VIM: variants seen among roughly 807,000 people sequenced by gnomAD.
The protein encoded by VIM is vimentin.
Under a neutral mutation model 50.3 loss-of-function variants are expected in VIM, and 18 were observed. The observed-to-expected ratio is 0.36, with a 90% CI of 0.25 to 0.53. The LOEUF (loss-of-function observed/expected upper bound fraction) is 0.53, where lower values mean the gene tolerates loss of function less well. VIM is among the 20% of genes least tolerant of loss of function. VIM has a pLI of 0.91. For synonymous variants in VIM, 245 were observed against 248.5 expected, an observed-to-expected ratio of 0.99 and a Z score of 0.13; for missense variants, 551 against 614.7, an observed-to-expected ratio of 0.90 and a Z score of 1.10.
At chr10:17,230,136 C>A in intron 2 of VIM, 151 bp downstream of exon 2, 2 of 1,026,894 alleles carry the variant, frequency 1.9e-6, no homozygotes, top group South Asian at 3.4e-5. Flanking sequence ...GGGGCTGTGG[C>A]TGTGGTGGCG....
At chr10:17,235,073 G>T (rs112738179) in intron 6 of VIM, 96 bp from the exon 7 acceptor site, 18 of 1,429,024 alleles carry the variant, frequency 1.3e-5, no homozygotes, top group Non-Finnish European at 1.7e-5. Context: ...GCCATTTGCC[G>T]CTAATGGAAA....
chr10:17,236,513 G>C (rs1846892116), intron 9 of VIM, 134 bp downstream of exon 9: 1 of 779,038 alleles, frequency 1.3e-6, no homozygotes, highest in Non-Finnish European at 2.2e-6. Context: ...ACTAAAAAAA[G>C]AATAGGCTTC....
At chr10:17,231,266 G>T (rs1187702361) in intron 3 of VIM, among the ~76,000 whole-genome samples, 4 of 152,212 alleles carry the variant, frequency 2.6e-5, no homozygotes, top group Non-Finnish European at 4.4e-5. Flanking sequence ...AATGGAGCCA[G>T]CAAGTTTCTT....
chr10:17,233,201 G>C, intron 3 of VIM: 1 of 296,776 alleles, frequency 3.4e-6, no homozygotes, highest in Non-Finnish European at 6.6e-6. Flanking sequence ...ACCCGTCTCA[G>C]CCTCCCAAAG....
At chr10:17,231,698 CTT>C (rs1210601081) in intron 3 of VIM, among the ~76,000 whole-genome samples, 3 of 151,486 alleles carry the variant, frequency 2.0e-5, no homozygotes, top group African/African-American at 7.3e-5. Flanking sequence ...CTTTAGCACT[CTT>C]GCCATAAAAA....
chr10:17,237,458 A>G lies in VIM; in HGVS notation c.*187A>G, dbSNP rs542155813. ...CAAGATTTAGAAAAAAGTTTACAACATAATCTAGTTTACAGAAAAATCTTG... is the reference window on the plus strand; with the variant it reads ...CAAGATTTAGAAAAAAGTTTACAACGTAATCTAGTTTACAGAAAAATCTTG... On this transcript the variant is annotated 3_prime_UTR_variant, in exon 10 of 10. Coordinates refer to ENST00000544301, the MANE Select transcript of VIM (RefSeq NM_003380.5). 5.0e-6 allele frequency: 3 copies of G among 595,278 alleles called. No individual in the cohort carries two copies. Among genetic ancestry groups the G allele is most frequent in the Non-Finnish European group, 2.9e-6 (1 of 340,118 alleles). 36.9% of individuals were successfully genotyped at this position (595,278 alleles called of 1,614,324 possible).
chr10:17,229,478 G>A lies in VIM; in HGVS notation c.56G>A (p.Gly19Asp). 1 of 1,606,364 alleles carries A rather than the reference G, an allele frequency of 6.2e-7. No homozygotes were observed. ...TACCGCAGGATGTTCGGCGGCCCGG[G>A]CACCGCGAGCCGGCCGAGCTCCAGC... ...SSYRRMFGGP[G>D]TASRPSSSRS... is the part of the protein sequence containing the mutation. Residue 19 changes from glycine (G) to aspartate (D), a missense_variant, in exon 2 of 10, where the codon GGC becomes GAC. Around this residue, in one of 3 missense-constraint regions of VIM, gnomAD observed 134 missense variants for 126.4 expected, o/e 1.06. Transcript: ENST00000544301.
intron 7 of VIM, 88 bp from the exon 8 acceptor site, chr10:17,235,758 G>GT: frequency 7.8e-7 from 1 of 1,289,064 alleles, no homozygotes; most frequent in Non-Finnish European, 1.1e-6. Flanking sequence ...GTTTTCTTAC[G>GT]TGACGAAAAC....
intron 2 of VIM, 28 bp from the exon 3 acceptor site, chr10:17,230,622 C>T: frequency 6.2e-7 from 1 of 1,613,750 alleles, no homozygotes; most frequent in South Asian, 1.1e-5. Context: ...TTCCTCGTTC[C>T]CCTTTGGTTA....
At chr10:17,234,275 C>T (rs1370678741) in intron 5 of VIM, among the ~76,000 whole-genome samples, 7 of 152,156 alleles carry the variant, frequency 4.6e-5, no homozygotes, top group East Asian at 1.9e-4. Flanking sequence ...CCACCATGCC[C>T]GGCTAATTTT....
Position 17,237,332 on chromosome 10 carries a change from C to A in VIM, c.*61C>A. On this transcript the variant is annotated 3_prime_UTR_variant, in exon 10 of 10. Coordinates refer to ENST00000544301, the MANE Select transcript of VIM (RefSeq NM_003380.5). ...GCAAGAATAAAAAAGAAATCCATATCTTAAAGAAACAGCTTTCAAGTGCCT... is the reference window on the plus strand; with the variant it reads ...GCAAGAATAAAAAAGAAATCCATATATTAAAGAAACAGCTTTCAAGTGCCT... 8 of 1,527,436 alleles carry A rather than the reference C, an allele frequency of 5.2e-6. No homozygotes were observed. Among genetic ancestry groups the A allele is most frequent in the Non-Finnish European group, 7.2e-6 (8 of 1,116,684 alleles). The allele number at this position is 1,527,436 out of a possible 1,614,324, so 94.6% of individuals were successfully genotyped here. A position where few individuals can be genotyped will look rare whatever the true frequency, so the allele number is the denominator to read the frequency against.
chr10:17,236,015 CTA>C (rs1350391153), intron 8 of VIM, 126 bp downstream of exon 8: 2 of 1,088,620 alleles, frequency 1.8e-6, no homozygotes, highest in Non-Finnish European at 2.7e-6. Context: ...TATAAAACAT[CTA>C]TAATTTTCGA....
chr10:17,231,450 TG>T (rs2131681075), intron 3 of VIM, among the ~76,000 whole-genome samples: 1 of 152,308 alleles, frequency 6.6e-6, no homozygotes, highest in East Asian at 1.9e-4. Flanking sequence ...CTGGCAAATG[TG>T]GTGGCTCTGG....
chr10:17,236,369 G>C lies in VIM; in HGVS notation c.1349G>C (p.Arg450Thr). 1.9e-6 allele frequency: 3 copies of C among 1,611,936 alleles called. No homozygotes were observed. Among genetic ancestry groups the C allele is most frequent in the Non-Finnish European group, 2.5e-6 (3 of 1,178,070 alleles). ...CTTCTGATTAAGACGGTTGAAACTA[G>C]AGATGGACAGGTTGGTATCTTTTAA... The part of the protein sequence containing the change: ...RTLLIKTVET[R>T]DGQVINETSQ... Residue 450 changes from arginine (R) to threonine (T), a missense_variant, in exon 9 of 10, where the codon AGA becomes ACA. This residue lies in a region of VIM where 394 missense variants were observed against 437.5 expected (regional missense o/e 0.90). Coordinates refer to ENST00000544301, the MANE Select transcript of VIM (RefSeq NM_003380.5).
intron 3 of VIM, among the ~76,000 whole-genome samples, chr10:17,231,915 A>G (rs1219681893): frequency 2.0e-5 from 3 of 152,210 alleles, no homozygotes; most frequent in African/African-American, 7.2e-5. Context: ...AAGCACTCTC[A>G]GATGAATAGT....
Position 17,229,302 on chromosome 10 carries a change from C to G in VIM, c.-121C>G. The stretch of plus-strand genomic sequence containing the variant: ...CCTCTGCCACTCTCGCTCCGAGGTC[C>G]CCGCGCCAGAGACGCAGCCGCGCTC... On this transcript the variant is annotated 5_prime_UTR_variant, in exon 2 of 10. Transcript: ENST00000544301. The G allele has an allele frequency of 2.8e-6, 3 of 1,066,490 alleles. No individual in the cohort carries two copies. Among genetic ancestry groups the G allele is most frequent in the Non-Finnish European group, 2.7e-6 (2 of 733,074 alleles). The allele number at this position is 1,066,490 out of a possible 1,614,324, so 66.1% of individuals were successfully genotyped here.
intron 8 of VIM, 83 bp from the exon 9 acceptor site, chr10:17,236,211 A>T: frequency 1.8e-6 from 2 of 1,103,714 alleles, no homozygotes; most frequent in South Asian, 2.5e-5. Context: ...CCCACAAATC[A>T]TAATTGTTTC....
chr10:17,236,181 C>G, intron 8 of VIM, 113 bp from the exon 9 acceptor site: 3 of 935,120 alleles, frequency 3.2e-6, no homozygotes, highest in South Asian at 1.3e-5. Context: ...GCGAGTAGTA[C>G]TTTACACAAT....
In VIM at chr10:17,237,278, C is replaced by T. The variant is rs1406867842; in HGVS notation, c.*7C>T. ...TCACGATGACCTTGAATAAAAATTG[C>T]ACACACTCAGTGCAGCAATATATTA... On this transcript the variant is annotated 3_prime_UTR_variant, in exon 10 of 10. Transcript: ENST00000544301. 2 of 1,605,452 alleles carry T rather than the reference C, an allele frequency of 1.2e-6. No individual in the cohort carries two copies. The highest frequency in any genetic ancestry group is 1.3e-5 in the African/African-American group (1 of 74,698).
Sources: gnomAD v4.1 joint callset for allele counts (sites outside exome capture counted in the v4.1 genomes callset) on GRCh38, gnomAD v4.1.1 for gene constraint, gnomAD v4.1.1 regional missense constraint, MANE v1.5 for transcripts, NCBI Gene and HGNC (gene_info 2026-07-23, HGNC 2026-07-21) for gene names.